Variants in MARCHF4 observed in about 807,000 individuals in gnomAD.
MARCHF4 encodes the protein membrane associated ring-CH-type finger 4.
In MARCHF4, 14 loss-of-function variants were observed where a neutral mutation model predicts 43.9. The observed-to-expected ratio is 0.32, with a 90% CI of 0.21 to 0.50. The LOEUF (loss-of-function observed/expected upper bound fraction) is 0.50. Ranked by LOEUF, MARCHF4 falls within the 20% of genes least tolerant of loss-of-function variation. The probability of loss-of-function intolerance (pLI) is 0.98; values close to 1 mark genes in which losing one functional copy is unlikely to be tolerated. For missense variants in MARCHF4, 468 were observed against 536.7 expected (o/e 0.87, Z 1.27); for synonymous variants, 226 against 213.3 (o/e 1.06, Z -0.52).
At chr2:216,358,586 A>ATT (rs1437599008) in intron 1 of MARCHF4, among the ~76,000 whole-genome samples, 3 of 152,208 alleles carry the variant, frequency 2.0e-5, no homozygotes, top group African/African-American at 7.2e-5. Flanking sequence ...AGAGCAAATA[A>ATT]GAACAATCAC....
chr2:216,349,701 T>C (rs1692369698), intron 1 of MARCHF4, among the ~76,000 whole-genome samples: 1 of 152,040 alleles, frequency 6.6e-6, no homozygotes, highest in Non-Finnish European at 1.5e-5. Context: ...CAGAGAGCTA[T>C]GGAGTCTATA....
chr2:216,347,584 C>T (rs1025624304), intron 1 of MARCHF4, among the ~76,000 whole-genome samples: 34 of 151,866 alleles, frequency 2.2e-4, no homozygotes, highest in Admixed American at 2.1e-3. Context: ...AAAAATTAGC[C>T]GGGCGTGGTG....
At chr2:216,334,508 C>T (rs1440211881) in intron 1 of MARCHF4, among the ~76,000 whole-genome samples, 2 of 152,086 alleles carry the variant, frequency 1.3e-5, no homozygotes, top group East Asian at 3.8e-4. Flanking sequence ...TCAAGTGATC[C>T]TCCTGCCTTA....
At chr2:216,259,885 T>C (rs1273788388) in intron 3 of MARCHF4, 10 of 585,276 alleles carry the variant, frequency 1.7e-5, no homozygotes, top group Non-Finnish European at 3.0e-5. Context: ...ATGAAATAGT[T>C]GAGCACCTTC....
At chr2:216,369,700 C>T (rs755483288) in intron 1 of MARCHF4, 45 bp downstream of exon 1, 3 of 1,492,238 alleles carry the variant, frequency 2.0e-6, no homozygotes, top group Non-Finnish European at 2.7e-6. Context: ...ATCTGCAAGA[C>T]CTGAAAATAC....
At chr2:216,319,062 C>A (rs1052700733) in intron 1 of MARCHF4, among the ~76,000 whole-genome samples, 2 of 152,120 alleles carry the variant, frequency 1.3e-5, no homozygotes, top group Non-Finnish European at 2.9e-5. Flanking sequence ...AATGCCGGCA[C>A]TTTGCGGGGC....
intron 1 of MARCHF4, among the ~76,000 whole-genome samples, chr2:216,325,371 G>C (rs1691971734): frequency 6.6e-6 from 1 of 152,190 alleles, no homozygotes; most frequent in South Asian, 2.1e-4. Flanking sequence ...AATCAATATT[G>C]TGAAAATGGC....
At chr2:216,337,228 C>T (rs1034705619) in intron 1 of MARCHF4, among the ~76,000 whole-genome samples, 1 of 151,004 alleles carries the variant, frequency 6.6e-6, no homozygotes, top group Non-Finnish European at 1.5e-5. Flanking sequence ...GATTTTGTAC[C>T]AGAATTATCT....
Position 216,258,451 on chromosome 2 carries a change from C to A in MARCHF4, c.*861G>T, listed in dbSNP as rs2106079287. 6.5e-6 allele frequency: 1 copy of A among 152,750 alleles called. No homozygotes were observed. The highest frequency in any genetic ancestry group is 2.1e-4 in the South Asian group (1 of 4,810). 9.5% of individuals were successfully genotyped at this position (152,750 alleles called of 1,614,324 possible). A position where few individuals can be genotyped will look rare whatever the true frequency, so the allele number is the denominator to read the frequency against. On this transcript the variant is annotated 3_prime_UTR_variant, in exon 4 of 4. Transcript: ENST00000273067. Reference sequence around the variant, plus strand: ...GATTGACAGCTTCCAAAGCTGAAGCCACAGCAGCAGAACTGTGCTTGAAAT... The same window carrying A: ...GATTGACAGCTTCCAAAGCTGAAGCAACAGCAGCAGAACTGTGCTTGAAAT...
chr2:216,326,410 T>G (rs1202069714), intron 1 of MARCHF4, among the ~76,000 whole-genome samples: 1 of 148,522 alleles, frequency 6.7e-6, no homozygotes, highest in Non-Finnish European at 1.5e-5. Context: ...TGGCCATTCC[T>G]CAGGGATCTA....
intron 1 of MARCHF4, among the ~76,000 whole-genome samples, chr2:216,320,881 A>G (rs1459218351): frequency 7.5e-6 from 1 of 132,636 alleles, no homozygotes; most frequent in Non-Finnish European, 1.6e-5. Context: ...GGGTTTCACC[A>G]TGTTGGTCAG....
intron 1 of MARCHF4, among the ~76,000 whole-genome samples, chr2:216,342,818 T>C (rs1692256899): frequency 6.6e-6 from 1 of 152,216 alleles, no homozygotes; most frequent in African/African-American, 2.4e-5. Context: ...GGATGCCTGC[T>C]GCTCCTGGGT....
At chr2:216,331,380 ACT>A (rs973738010) in intron 1 of MARCHF4, among the ~76,000 whole-genome samples, 131 of 152,216 alleles carry the variant, frequency 8.6e-4, no homozygotes, top group Middle Eastern at 3.4e-3. Flanking sequence ...CACAAAGAAA[ACT>A]CTAGGCACAA....
At chr2:216,297,807 C>T (rs1691421260) in intron 1 of MARCHF4, among the ~76,000 whole-genome samples, 1 of 152,160 alleles carries the variant, frequency 6.6e-6, no homozygotes, top group South Asian at 2.1e-4. Context: ...CCCCTATGGT[C>T]TTCTTTTAGG....
At chr2:216,334,803 C>T (rs185035888) in intron 1 of MARCHF4, among the ~76,000 whole-genome samples, 4 of 152,344 alleles carry the variant, frequency 2.6e-5, no homozygotes, top group Admixed American at 2.0e-4. Flanking sequence ...CATAAGAAAG[C>T]AGGCTGTTTT....
At chr2:216,271,434 G>A (rs1179837040) in intron 3 of MARCHF4, among the ~76,000 whole-genome samples, 1 of 152,118 alleles carries the variant, frequency 6.6e-6, no homozygotes, top group Non-Finnish European at 1.5e-5. Flanking sequence ...ATTGCTCTCT[G>A]CTCTGCTCTA....
intron 1 of MARCHF4, among the ~76,000 whole-genome samples, chr2:216,335,963 G>C (rs1281694987): frequency 6.6e-6 from 1 of 150,598 alleles, no homozygotes; most frequent in African/African-American, 2.4e-5. Flanking sequence ...AGCTACTTAG[G>C]AGGCTGAGGC....
chr2:216,292,018 G>A (rs1691316695), intron 1 of MARCHF4, among the ~76,000 whole-genome samples: 1 of 152,168 alleles, frequency 6.6e-6, no homozygotes, highest in Admixed American at 6.5e-5. Context: ...TTGTCCCTAT[G>A]TAAGAGATGC....
chr2:216,277,743 C>A lies in MARCHF4; in HGVS notation c.794G>T (p.Arg265Ile), dbSNP rs1179837602. The change falls in exon 3 of 4, where the codon AGA becomes ATA. Residue 265 changes from arginine (R) to isoleucine (I), a missense_variant. This residue lies in a region of MARCHF4 where 158 missense variants were observed against 251.1 expected (regional missense o/e 0.63). Transcript: ENST00000273067. ...GAAGAGAAGGTCTTGGCGCTGCCAT[C>A]TTGCCGAGGGGCTGAAAGTTGACCA... Reference protein sequence around the residue: ...LIWSTFSPSARWQRQDLLFQI... With the variant: ...LIWSTFSPSAIWQRQDLLFQI... The A allele has an allele frequency of 5.0e-6, 8 of 1,614,048 alleles. No homozygotes were observed. The highest frequency in any genetic ancestry group is 5.9e-6 in the Non-Finnish European group (7 of 1,180,014).
Sources: gnomAD v4.1 joint callset for allele counts (sites outside exome capture counted in the v4.1 genomes callset) on GRCh38, gnomAD v4.1.1 for gene constraint, gnomAD v4.1.1 regional missense constraint, MANE v1.5 for transcripts, NCBI Gene and HGNC (gene_info 2026-07-23, HGNC 2026-07-21) for gene names.